The following SETBP1 variants were observed in gnomAD, a reference collection of about 807,000 sequenced individuals.
SETBP1 encodes the protein SET-binding protein.
Under a neutral mutation model 101.0 loss-of-function variants are expected in SETBP1, and 9 were observed. The observed-to-expected ratio is 0.09, with a 90% CI of 0.05 to 0.16. SETBP1 has a LOEUF of 0.16. Among genes scored for constraint, SETBP1 ranks in the 10% least tolerant of loss-of-function variants. SETBP1 has a pLI of 1.00. For missense variants in SETBP1, 1,858 were observed against 2,033.8 expected (o/e 0.91, Z 1.66); for synonymous variants, 818 against 788.5 (o/e 1.04, Z -0.63).
intron 4 of SETBP1, among the ~76,000 whole-genome samples, chr18:44,985,854 G>A (rs1486985298): frequency 6.6e-6 from 1 of 152,178 alleles, no homozygotes; most frequent in Non-Finnish European, 1.5e-5. Flanking sequence ...TCCTGCAGGG[G>A]AAGCTAATGT....
At chr18:44,708,014 T>C (rs2069259122) in intron 2 of SETBP1, among the ~76,000 whole-genome samples, 1 of 152,150 alleles carries the variant, frequency 6.6e-6, no homozygotes, top group Non-Finnish European at 1.5e-5. Flanking sequence ...CCTTTAATGG[T>C]TGTAGCAATT....
chr18:44,731,262 C>G lies in SETBP1; in HGVS notation c.486+29430C>G, dbSNP rs1013702079. 2.6e-5 allele frequency among the ~76,000 whole-genome samples: 4 copies of G among 152,200 alleles called. No individual in the cohort carries two copies. The South Asian group carries it at 8.3e-4, about 32-fold the overall frequency. ...CAGCATTTCCAAATATCCCTTCCCC[C>G]ACATTCTGTTGACTAAGCACAGTCA... On this transcript the variant is annotated intron_variant, in intron 2 of 5. Transcript: ENST00000649279.
rs558727333 is a variant in SETBP1 at position 44,979,246 on chromosome 18, A to G, written c.4000+25906A>G. On this transcript the variant is annotated intron_variant, in intron 4 of 5. Transcript: ENST00000649279. The stretch of plus-strand genomic sequence containing the variant: ...TGCAATCTGAGAGGTCAACTCCAGT[A>G]TGTTTAAAAGTTTTGTGCTTTAAAA... Among the ~76,000 whole-genome samples, 6 of 152,332 alleles carry G rather than the reference A, an allele frequency of 3.9e-5. No individual in the cohort carries two copies. The East Asian group carries it at 1.2e-3, about 29-fold the overall frequency.
At position 44,950,250 on chromosome 18, in the gene SETBP1, A is replaced by G; in HGVS notation, c.910A>G (p.Ser304Gly). 2 of 1,614,038 alleles carry G rather than the reference A, an allele frequency of 1.2e-6. No individual in the cohort carries two copies. Among genetic ancestry groups the G allele is most frequent in the South Asian group, 2.2e-5 (2 of 91,082 alleles). Residue 304 changes from serine to glycine, a missense_variant, in exon 4 of 6, where the codon AGC (serine) becomes GGC (glycine). Around this residue, in one of 12 missense-constraint regions of SETBP1, gnomAD observed 581 missense variants for 535.1 expected, o/e 1.09. Coordinates refer to ENST00000649279, the MANE Select transcript of SETBP1 (RefSeq NM_015559.3). ...SSHSSPAPPSSSAECNGLQPL... is the reference protein window; with the variant it reads ...SSHSSPAPPSGSAECNGLQPL... ...CCACAGCTCACCAGCCCCACCCAGC[A>G]GCTCTGCTGAGTGCAACGGGCTTCA...
At chr18:44,966,095 G>T (rs1241474223) in intron 4 of SETBP1, among the ~76,000 whole-genome samples, 2 of 152,194 alleles carry the variant, frequency 1.3e-5, no homozygotes, top group Non-Finnish European at 2.9e-5. Flanking sequence ...AGAAAAAGAA[G>T]AATGTAATAT....
At chr18:44,846,256 A>G (rs1192472975) in intron 2 of SETBP1, among the ~76,000 whole-genome samples, 2 of 152,196 alleles carry the variant, frequency 1.3e-5, no homozygotes, top group Non-Finnish European at 2.9e-5. Context: ...TAATGCTCCC[A>G]TAGTATCTTT....
chr18:44,744,771 AAAAAAAAAAAAC>A (rs1472417642), intron 2 of SETBP1, among the ~76,000 whole-genome samples: 12 of 131,902 alleles, frequency 9.1e-5, no homozygotes, highest in African/African-American at 3.2e-4. Flanking sequence ...CCTCCTCTTA[AAAAAAAAAAAAC>A]AAAAAAAAAA....
chr18:44,711,492 C>T (rs193193116), intron 2 of SETBP1, among the ~76,000 whole-genome samples: 2 of 146,808 alleles, frequency 1.4e-5, no homozygotes, highest in East Asian at 4.0e-4. Flanking sequence ...TCCCTCCCTC[C>T]TTCCCTCTCT....
At chr18:44,917,262 G>A (rs1048984983) in intron 3 of SETBP1, among the ~76,000 whole-genome samples, 2 of 152,266 alleles carry the variant, frequency 1.3e-5, no homozygotes, top group African/African-American at 2.4e-5. Flanking sequence ...TTTGTAAAAC[G>A]AAAAGGTGGT....
At chr18:44,842,983 G>C (rs1028088440) in intron 2 of SETBP1, among the ~76,000 whole-genome samples, 1 of 152,226 alleles carries the variant, frequency 6.6e-6, no homozygotes. Flanking sequence ...TTCTATACAC[G>C]AGGAAAGCCA....
intron 2 of SETBP1, among the ~76,000 whole-genome samples, chr18:44,791,097 T>G (rs2144729503): frequency 6.6e-6 from 1 of 152,278 alleles, no homozygotes; most frequent in African/African-American, 2.4e-5. Context: ...GGACTAGAGC[T>G]ACTTTGCATA....
intron 3 of SETBP1, among the ~76,000 whole-genome samples, chr18:44,910,377 G>A (rs1049839891): frequency 3.3e-5 from 5 of 152,176 alleles, no homozygotes; most frequent in African/African-American, 9.7e-5. Context: ...TTACCTCAGA[G>A]CTCCATTGAA....
chr18:45,048,902 G>A (rs962405368), intron 5 of SETBP1, among the ~76,000 whole-genome samples: 6 of 143,776 alleles, frequency 4.2e-5, no homozygotes, highest in African/African-American at 1.5e-4. Context: ...AACCCGGGAA[G>A]CGGAGCTTGC....
chr18:44,759,632 G>A (rs1421644010), intron 2 of SETBP1, among the ~76,000 whole-genome samples: 1 of 152,114 alleles, frequency 6.6e-6, no homozygotes, highest in Non-Finnish European at 1.5e-5. Flanking sequence ...TTATAATTCA[G>A]TCTAAAATAA....
chr18:44,738,016 T>C (rs1347260008), intron 2 of SETBP1, among the ~76,000 whole-genome samples: 1 of 152,250 alleles, frequency 6.6e-6, no homozygotes, highest in Non-Finnish European at 1.5e-5. Flanking sequence ...TGTCAATTGA[T>C]TGGACATCTG....
intron 2 of SETBP1, among the ~76,000 whole-genome samples, chr18:44,706,209 C>T (rs544237100): frequency 4.3e-4 from 65 of 152,214 alleles, no homozygotes; most frequent in African/African-American, 1.5e-3. Flanking sequence ...AGGTAAGTGA[C>T]TTAATAACTT....
rs2073963571 is a variant in SETBP1 at position 45,066,216 on chromosome 18, T to G, written c.*2518T>G. 1 of 152,134 alleles carries G rather than the reference T, an allele frequency of 6.6e-6. No homozygotes were observed. The highest frequency in any genetic ancestry group is 6.5e-5 in the Admixed American group (1 of 15,280). 9.4% of individuals were successfully genotyped at this position (152,134 alleles called of 1,614,324 possible). On this transcript the variant is annotated 3_prime_UTR_variant, in exon 6 of 6. Transcript: ENST00000649279. ...AATTTCCAAAGCTCTGAAAGATATT[T>G]CAGGAGATTTAACAGCAGAGTTGCA...
At chr18:44,800,843 C>G (rs568345463) in intron 2 of SETBP1, among the ~76,000 whole-genome samples, 1 of 152,102 alleles carries the variant, frequency 6.6e-6, no homozygotes, top group Non-Finnish European at 1.5e-5. Flanking sequence ...ATGTTTATTG[C>G]GGCACTATTC....
intron 1 of SETBP1, among the ~76,000 whole-genome samples, chr18:44,690,893 A>G (rs2068920040): frequency 6.6e-6 from 1 of 152,208 alleles, no homozygotes; most frequent in Non-Finnish European, 1.5e-5. Context: ...GGTCACAATT[A>G]CTTCTTTCAA....
Sources: gnomAD v4.1 joint callset for allele counts (sites outside exome capture counted in the v4.1 genomes callset) on GRCh38, gnomAD v4.1.1 for gene constraint, gnomAD v4.1.1 regional missense constraint, MANE v1.5 for transcripts, NCBI Gene and HGNC (gene_info 2026-07-23, HGNC 2026-07-21) for gene names.